DCAF13: variants seen among roughly 807,000 people sequenced by gnomAD.
DCAF13 encodes the protein DDB1 and CUL4 associated factor 13, also known as DDB1- and CUL4-associated factor 13.
Under a neutral mutation model 59.0 loss-of-function variants are expected in DCAF13, and 38 were observed. That is an observed-to-expected ratio of 0.64 (90% CI 0.50 to 0.84). The LOEUF is 0.84. DCAF13 is among the 40% of genes least tolerant of loss of function. The probability of loss-of-function intolerance (pLI) is 0.00; values close to 1 mark genes in which losing one functional copy is unlikely to be tolerated. For synonymous variants in DCAF13, 173 were observed against 175.0 expected, an observed-to-expected ratio of 0.99 and a Z score of 0.09; for missense variants, 469 against 558.4, an observed-to-expected ratio of 0.84 and a Z score of 1.61.
intron 1 of DCAF13, 24 bp from the exon 2 acceptor site, chr8:103,420,240 T>G (rs1816703991): frequency 1.2e-6 from 2 of 1,603,562 alleles, no homozygotes; most frequent in African/African-American, 2.7e-5. Flanking sequence ...TGTGAATTAT[T>G]AAGAAGGATC....
chr8:103,424,308 C>T (rs1016296960), intron 3 of DCAF13, among the ~76,000 whole-genome samples: 1 of 152,184 alleles, frequency 6.6e-6, no homozygotes, highest in African/African-American at 2.4e-5. Context: ...ATTACAGGCG[C>T]GAGCCGCCAT....
chr8:103,426,230 G>A, intron 4 of DCAF13, 85 bp downstream of exon 4: 1 of 793,760 alleles, frequency 1.3e-6, no homozygotes, highest in Non-Finnish European at 2.0e-6. Context: ...CTAAGATGGG[G>A]AAGAAGATGC....
chr8:103,433,329 T>C (rs1352981137), intron 7 of DCAF13, among the ~76,000 whole-genome samples: 1 of 152,160 alleles, frequency 6.6e-6, no homozygotes, highest in Non-Finnish European at 1.5e-5. Flanking sequence ...ATTATAGTTA[T>C]CTTTTCAGTA....
At position 103,432,434 on chromosome 8, in the gene DCAF13, A is replaced by G. The variant is rs559764141; in HGVS notation, c.703-225A>G. On this transcript the variant is annotated intron_variant, in intron 6 of 10. Coordinates refer to ENST00000612750, the MANE Select transcript of DCAF13 (RefSeq NM_015420.7). ...TATTATGTGTCACATTTTTCTGACT[A>G]AACTGTAAGTTGTTTGAGATTAGGA... Among the ~76,000 whole-genome samples the G allele has an allele frequency of 3.3e-5, 5 of 152,300 alleles. No homozygotes were observed. In the South Asian group the frequency reaches 1.0e-3, roughly 32 times the overall value.
intron 3 of DCAF13, among the ~76,000 whole-genome samples, chr8:103,425,134 T>C (rs1469714929): frequency 6.6e-6 from 1 of 152,222 alleles, no homozygotes; most frequent in Non-Finnish European, 1.5e-5. Flanking sequence ...TAGATAAAGA[T>C]ATCTTTGTTA....
intron 8 of DCAF13, among the ~76,000 whole-genome samples, chr8:103,437,364 G>A (rs751654522): frequency 3.3e-5 from 5 of 152,040 alleles, no homozygotes; most frequent in Admixed American, 1.3e-4. Flanking sequence ...AATGAAACGA[G>A]AACAAAGAAA....
At chr8:103,437,253 T>G (rs1167885222) in intron 8 of DCAF13, among the ~76,000 whole-genome samples, 2 of 152,210 alleles carry the variant, frequency 1.3e-5, no homozygotes, top group Non-Finnish European at 2.9e-5. Context: ...TGGAAAATGT[T>G]GAGAATCAAG....
chr8:103,435,277 G>A (rs1816917335), intron 7 of DCAF13, among the ~76,000 whole-genome samples: 1 of 152,008 alleles, frequency 6.6e-6, no homozygotes, highest in Non-Finnish European at 1.5e-5. Context: ...TATTTAAATA[G>A]TATGGTGAAA....
chr8:103,439,442 A>G (rs895020196), intron 8 of DCAF13: 2 of 127,250 alleles, frequency 1.6e-5, no homozygotes, highest in African/African-American at 6.3e-5. Context: ...ACGCTGGAGT[A>G]CAGTGGCACA....
intron 2 of DCAF13, 22 bp downstream of exon 2, chr8:103,420,485 A>G (rs1426176103): frequency 1.3e-6 from 2 of 1,598,316 alleles, no homozygotes; most frequent in African/African-American, 1.3e-5. Flanking sequence ...TCTAGATGAT[A>G]TTTTCAACTA....
chr8:103,435,073 T>A (rs1427533370), intron 7 of DCAF13, among the ~76,000 whole-genome samples: 2 of 152,090 alleles, frequency 1.3e-5, no homozygotes, highest in Admixed American at 1.3e-4. Context: ...ACGTTGGGAA[T>A]TTAATAAGCA....
At chr8:103,421,582 A>T (rs1426666717) in intron 3 of DCAF13, among the ~76,000 whole-genome samples, 1 of 152,214 alleles carries the variant, frequency 6.6e-6, no homozygotes, top group Admixed American at 6.5e-5. Context: ...GTCATTAAAC[A>T]ATAACTCCTC....
At chr8:103,433,769 A>T (rs916841088) in intron 7 of DCAF13, among the ~76,000 whole-genome samples, 1 of 152,114 alleles carries the variant, frequency 6.6e-6, no homozygotes, top group African/African-American at 2.4e-5. Context: ...TTAAAAAAAT[A>T]AAAGAAGCTC....
At chr8:103,427,288 G>T in intron 5 of DCAF13, 36 bp downstream of exon 5, 1 of 1,552,480 alleles carries the variant, frequency 6.4e-7, no homozygotes, top group Non-Finnish European at 8.8e-7. Flanking sequence ...TACTTATTAT[G>T]GCTTAATAAT....
chr8:103,441,675 C>T (rs1817012684), intron 10 of DCAF13, 57 bp downstream of exon 10: 1 of 1,532,666 alleles, frequency 6.5e-7, no homozygotes, highest in Non-Finnish European at 8.9e-7. Context: ...TCTCATCTCA[C>T]CAAAAACAAA....
chr8:103,432,464 G>A (rs571699950), intron 6 of DCAF13, among the ~76,000 whole-genome samples, 195 bp from the exon 7 acceptor site: 13 of 152,296 alleles, frequency 8.5e-5, no homozygotes, highest in African/African-American at 3.1e-4. Context: ...TTAGGAGACT[G>A]GGAGTTAAGC....
At chr8:103,420,769 G>T in intron 2 of DCAF13, 1 of 584,364 alleles carries the variant, frequency 1.7e-6, no homozygotes, top group South Asian at 2.3e-5. Context: ...AAAAAGTTTT[G>T]TAACACTTTA....
chr8:103,441,203 CCTACTCCTTCAG>C (rs1817005837), intron 9 of DCAF13: 1 of 359,848 alleles, frequency 2.8e-6, no homozygotes, highest in East Asian at 5.9e-5. Context: ...TCCACGTGGC[CCTACTCCTTCAG>C]CACTGCTGCT....
At chr8:103,418,866 ATTTTTTTTTTTTTTTTTTTTTTTTT>A (rs1159489554) in intron 1 of DCAF13, among the ~76,000 whole-genome samples, 12 of 38,430 alleles carry the variant, frequency 3.1e-4, no homozygotes, top group African/African-American at 1.1e-3. Context: ...ATATATATAT[ATTTTTTTTTTTTTTTTTTTTTTTTT>A]TTTTTTTTTT....
Sources: gnomAD v4.1 joint callset for allele counts (sites outside exome capture counted in the v4.1 genomes callset) on GRCh38, gnomAD v4.1.1 for gene constraint, MANE v1.5 for transcripts, NCBI Gene and HGNC (gene_info 2026-07-23, HGNC 2026-07-21) for gene names.